MAPK10: variants seen among roughly 807,000 people sequenced by gnomAD.
MAPK10 encodes JNK3 alpha protein kinase.
In MAPK10, 25 loss-of-function variants were observed where a neutral mutation model predicts 59.3. That is an observed-to-expected ratio of 0.42 (90% CI 0.31 to 0.59). MAPK10 has a LOEUF of 0.59. Among genes scored for constraint, MAPK10 ranks in the 20% least tolerant of loss-of-function variants. MAPK10 has a pLI of 0.15. For missense variants in MAPK10, 351 were observed against 568.9 expected (o/e 0.62, Z 3.90); for synonymous variants, 190 against 200.5 (o/e 0.95, Z 0.44).
At chr4:86,577,650 G>A (rs899161438) in intron 1 of MAPK10, among the ~76,000 whole-genome samples, 7 of 152,048 alleles carry the variant, frequency 4.6e-5, no homozygotes, top group Admixed American at 6.6e-5. Flanking sequence ...AACAAAAAAG[G>A]ACAATTATTT....
At chr4:86,454,062 A>C (rs1751014995), upstream of MAPK10, among the ~76,000 whole-genome samples, 1 of 152,222 alleles carries the variant, frequency 6.6e-6, no homozygotes, top group South Asian at 2.1e-4. Flanking sequence ...CTAGGAAAAG[A>C]GGGACAGTAC....
intron 3 of MAPK10, among the ~76,000 whole-genome samples, chr4:86,172,372 C>T (rs1321113118): frequency 0.048 from 6,870 of 142,164 alleles, 406 homozygotes; most frequent in African/African-American, 0.14. Context: ...GGCACATATA[C>T]ACCATGGAAT....
At chr4:86,128,267 GAAGT>G (rs2060406498) in intron 4 of MAPK10, among the ~76,000 whole-genome samples, 1 of 152,044 alleles carries the variant, frequency 6.6e-6, no homozygotes, top group African/African-American at 2.4e-5. Context: ...AAAACCATAT[GAAGT>G]AAGTATTACT....
chr4:86,513,405 T>C (rs1167594253), intron 1 of MAPK10, among the ~76,000 whole-genome samples: 1 of 152,188 alleles, frequency 6.6e-6, no homozygotes, highest in Non-Finnish European at 1.5e-5. Flanking sequence ...AGTACAATGA[T>C]TGATCACTCT....
chr4:86,125,173 T>C (rs192889400), intron 4 of MAPK10: 79 of 152,004 alleles, frequency 5.2e-4, no homozygotes, highest in African/African-American at 1.9e-3. Flanking sequence ...ATTAAATGTG[T>C]CAATATTTCA....
chr4:86,075,425 T>C (rs1015383535), intron 9 of MAPK10, among the ~76,000 whole-genome samples: 7 of 152,240 alleles, frequency 4.6e-5, no homozygotes, highest in African/African-American at 1.7e-4. Flanking sequence ...AGCTTTGTTC[T>C]GTTGCTGGTG....
At chr4:86,185,894 A>T (rs372710370) in intron 3 of MAPK10, among the ~76,000 whole-genome samples, 4 of 151,662 alleles carry the variant, frequency 2.6e-5, no homozygotes, top group African/African-American at 9.7e-5. Flanking sequence ...GAATGCGTAC[A>T]GTCTGATATG....
chr4:86,035,665 T>C (rs1361148430), intron 11 of MAPK10, among the ~76,000 whole-genome samples: 1 of 152,084 alleles, frequency 6.6e-6, no homozygotes, highest in African/African-American at 2.4e-5. Flanking sequence ...TGGTTTTTGA[T>C]TGAACATATG....
chr4:86,166,271 T>G (rs2071687612), intron 3 of MAPK10, among the ~76,000 whole-genome samples: 1 of 152,232 alleles, frequency 6.6e-6, no homozygotes, highest in South Asian at 2.1e-4. Flanking sequence ...CAGTTTAAAA[T>G]CCTGACTGTG....
intron 4 of MAPK10, among the ~76,000 whole-genome samples, chr4:86,155,084 G>C (rs1260880918): frequency 6.6e-6 from 1 of 152,014 alleles, no homozygotes; most frequent in Non-Finnish European, 1.5e-5. Flanking sequence ...TCAGAGTGCG[G>C]ATGGAGTAAA....
At chr4:86,304,913 C>A (rs1216764329) in intron 2 of MAPK10, among the ~76,000 whole-genome samples, 18 of 152,266 alleles carry the variant, frequency 1.2e-4, no homozygotes. Context: ...AAGGGCATAT[C>A]TGAGAGACCA....
chr4:86,514,326 A>T (rs1378536230), intron 1 of MAPK10, among the ~76,000 whole-genome samples: 2 of 152,190 alleles, frequency 1.3e-5, no homozygotes, highest in African/African-American at 4.8e-5. Context: ...TCAGATTGGC[A>T]CCACCCTTTG....
intron 1 of MAPK10, among the ~76,000 whole-genome samples, chr4:86,574,172 T>C (rs1044418529): frequency 2.0e-5 from 3 of 151,608 alleles, no homozygotes; most frequent in Admixed American, 1.3e-4. Context: ...TTTTTGTCCT[T>C]GCGACAGTTT....
At chr4:86,078,384 G>A (rs1051641992) in intron 9 of MAPK10, among the ~76,000 whole-genome samples, 1 of 152,026 alleles carries the variant, frequency 6.6e-6, no homozygotes, top group Non-Finnish European at 1.5e-5. Context: ...TCCTGCAAAG[G>A]CCATGGGAAA....
intron 4 of MAPK10, among the ~76,000 whole-genome samples, chr4:86,112,990 T>A (rs544711921): frequency 1.3e-5 from 2 of 151,730 alleles, no homozygotes; most frequent in Admixed American, 6.6e-5. Context: ...TTTTTTTTTT[T>A]ATCTTTGTTG....
At chr4:86,019,277 T>C (rs933073600) in intron 13 of MAPK10, among the ~76,000 whole-genome samples, 1 of 152,194 alleles carries the variant, frequency 6.6e-6, no homozygotes, top group Non-Finnish European at 1.5e-5. Context: ...TTGATATTTT[T>C]ATATACAGAA....
At chr4:86,343,576 G>C (rs1459170628) in intron 2 of MAPK10, among the ~76,000 whole-genome samples, 2 of 152,074 alleles carry the variant, frequency 1.3e-5, no homozygotes, top group African/African-American at 4.8e-5. Context: ...TTTTAGGAGT[G>C]GTTCTCAAAG....
At chr4:86,473,740 G>T (rs1286983910) in intron 1 of MAPK10, among the ~76,000 whole-genome samples, 1 of 152,186 alleles carries the variant, frequency 6.6e-6, no homozygotes, top group Non-Finnish European at 1.5e-5. Context: ...CTGAGGTCAG[G>T]GAGGGGTAGA....
intron 1 of MAPK10, among the ~76,000 whole-genome samples, chr4:86,473,487 A>G (rs1752821469): frequency 6.6e-6 from 1 of 152,240 alleles, no homozygotes; most frequent in Non-Finnish European, 1.5e-5. Flanking sequence ...TAAGATTTAC[A>G]TAGCTGAGTC....
Sources: gnomAD v4.1 joint callset for allele counts (sites outside exome capture counted in the v4.1 genomes callset) on GRCh38, gnomAD v4.1.1 for gene constraint, MANE v1.5 for transcripts, NCBI Gene and HGNC (gene_info 2026-07-23, HGNC 2026-07-21) for gene names.